TBCEL: variants seen among roughly 807,000 people sequenced by gnomAD.
TBCEL encodes tubulin folding cofactor E like, also known as tubulin-specific chaperone cofactor E-like protein.
A neutral mutation model predicts 44.2 loss-of-function variants in TBCEL; 15 were observed. That is an observed-to-expected ratio of 0.34 (90% CI 0.23 to 0.52). TBCEL has a LOEUF of 0.52. Ranked by LOEUF, TBCEL falls within the 20% of genes least tolerant of loss-of-function variation. The pLI, the probability that TBCEL is intolerant of heterozygous loss-of-function variation, is 0.95. For synonymous variants in TBCEL, 171 were observed against 185.4 expected, an observed-to-expected ratio of 0.92 and a Z score of 0.63; for missense variants, 319 against 506.3, an observed-to-expected ratio of 0.63 and a Z score of 3.55.
At chr11:121,036,878 T>C (rs1945240989) in intron 2 of TBCEL, among the ~76,000 whole-genome samples, 1 of 152,236 alleles carries the variant, frequency 6.6e-6, no homozygotes, top group Admixed American at 6.5e-5. Context: ...GAGGCTGTAC[T>C]TCTCACTGAT....
At chr11:121,036,679 A>G (rs752771121) in intron 2 of TBCEL, 67 bp downstream of exon 2, 5 of 152,134 alleles carry the variant, frequency 3.3e-5, no homozygotes, top group Non-Finnish European at 5.9e-5. Flanking sequence ...CAAAATTATG[A>G]CATTCTGGGG....
At chr11:121,063,183 G>C (rs1038238230) in intron 8 of TBCEL, among the ~76,000 whole-genome samples, 2 of 152,098 alleles carry the variant, frequency 1.3e-5, no homozygotes, top group South Asian at 4.2e-4. Context: ...ATAGGGAGGT[G>C]GATTATCTGC....
chr11:121,040,327 A>C (rs1348629981), intron 2 of TBCEL, among the ~76,000 whole-genome samples: 2 of 152,312 alleles, frequency 1.3e-5, no homozygotes, highest in Non-Finnish European at 2.9e-5. Context: ...TAACACATTT[A>C]ACTTGGCTAG....
chr11:121,067,918 A>C lies in TBCEL; in HGVS notation c.956+7833A>C, dbSNP rs80068140. Among the ~76,000 whole-genome samples, 1,499 of 152,356 alleles carry C rather than the reference A, an allele frequency of 9.8e-3. 9 individuals carry two copies. The highest frequency in any genetic ancestry group is 0.019 in the African/African-American group (775 of 41,584). On this transcript the variant is annotated intron_variant, in intron 8 of 8. Transcript: ENST00000683345. ...CTAGAGATAAAGAGACAAAAACAGT[A>C]GTGTCTACTCTCAAGAAGCTAAGCT...
rs960422582 is a variant in TBCEL at position 121,052,456 on chromosome 11, G to A, written c.274-1095G>A. ...CACTTGTCTGAAATCACACAGCTAGGAAGTGTTGGAACCTCGTTTGAACCC... is the reference window on the plus strand; with the variant it reads ...CACTTGTCTGAAATCACACAGCTAGAAAGTGTTGGAACCTCGTTTGAACCC... On this transcript the variant is annotated intron_variant, in intron 4 of 8. Coordinates refer to ENST00000683345, the MANE Select transcript of TBCEL (RefSeq NM_001363644.2). Among the ~76,000 whole-genome samples, 2 of 151,800 alleles carry A rather than the reference G, an allele frequency of 1.3e-5. 1 individual carries two copies. The highest frequency in any genetic ancestry group is 6.3e-3 in the Middle Eastern group (2 of 316).
intron 2 of TBCEL, among the ~76,000 whole-genome samples, chr11:121,038,022 C>A (rs1008367507): frequency 6.6e-6 from 1 of 151,664 alleles, no homozygotes; most frequent in African/African-American, 2.4e-5. Context: ...TGCAGTGGCA[C>A]GATCTCGACT....
At chr11:121,064,799 A>G (rs1019034738) in intron 8 of TBCEL, among the ~76,000 whole-genome samples, 9 of 152,172 alleles carry the variant, frequency 5.9e-5, no homozygotes, top group South Asian at 4.2e-4. Flanking sequence ...TAATAATTAT[A>G]ATCTCCATTA....
At chr11:121,037,747 A>G (rs1253091899) in intron 2 of TBCEL, among the ~76,000 whole-genome samples, 3 of 152,200 alleles carry the variant, frequency 2.0e-5, no homozygotes, top group Non-Finnish European at 2.9e-5. Flanking sequence ...GATACACACC[A>G]TGAGGTGCAT....
In TBCEL at chr11:121,045,708, A is replaced by G. The variant is rs1945417864; in HGVS notation, c.18A>G (p.Gly6=). Residue 6 remains glycine (G), a synonymous_variant, in exon 3 of 9, where the codon GGA becomes GGG. Transcript: ENST00000683345. The part of the protein sequence containing the change: MDQPS[G]RSFMQVLCEK... Reference sequence around the variant, plus strand: ...AAAGAAAGATGGATCAACCTAGTGGAAGAAGTTTCATGCAAGTATTATGTG... The same window carrying G: ...AAAGAAAGATGGATCAACCTAGTGGGAGAAGTTTCATGCAAGTATTATGTG... 8 of 1,599,296 alleles carry G rather than the reference A, an allele frequency of 5.0e-6. No homozygotes were observed. Among genetic ancestry groups the G allele is most frequent in the Non-Finnish European group, 6.8e-6 (8 of 1,175,632 alleles).
At position 121,025,312 on chromosome 11, in the gene TBCEL, G is replaced by A. The variant is rs541471133; in HGVS notation, c.-126+1021G>A. Among the ~76,000 whole-genome samples, 6 of 152,192 alleles carry A rather than the reference G, an allele frequency of 3.9e-5. No individual in the cohort carries two copies. In the South Asian group the frequency reaches 1.2e-3, roughly 32 times the overall value. ...TCCAGTAGTCTATCTTGAGCAAAGA[G>A]TATGAATAGGTGCTGAGGACTAAGG... On this transcript the variant is annotated intron_variant, in intron 1 of 8. Coordinates refer to ENST00000683345, the MANE Select transcript of TBCEL (RefSeq NM_001363644.2).
At chr11:121,070,303 C>A (rs1007860409) in intron 8 of TBCEL, among the ~76,000 whole-genome samples, 1 of 152,172 alleles carries the variant, frequency 6.6e-6, no homozygotes, top group South Asian at 2.1e-4. Flanking sequence ...GGCGATTCCT[C>A]AAGGATCTAG....
At chr11:121,068,779 CT>C (rs1945869922) in intron 8 of TBCEL, among the ~76,000 whole-genome samples, 1 of 151,644 alleles carries the variant, frequency 6.6e-6, no homozygotes, top group African/African-American at 2.4e-5. Flanking sequence ...CCCAGCTACT[CT>C]GGAGGCTGAG....
In TBCEL at chr11:121,060,061, T is replaced by C; in HGVS notation, c.932T>C (p.Val311Ala). 3.1e-6 allele frequency: 5 copies of C among 1,610,756 alleles called. No homozygotes were observed. The highest frequency in any genetic ancestry group is 4.2e-6 in the Non-Finnish European group (5 of 1,177,648). Residue 311 changes from valine to alanine, a missense_variant, in exon 8 of 9, where the codon GTT (valine) becomes GCT (alanine). Physicochemically the swap from Val to Ala is moderately conservative, Grantham distance 64. Coordinates refer to ENST00000683345, the MANE Select transcript of TBCEL (RefSeq NM_001363644.2). ...ERFFIRYYVD[V>A]PQEEVPFRYH... Reference sequence around the variant, plus strand: ...TTTTTTATTCGTTACTATGTGGATGTTCCACAGGAAGAAGTGCCATTCAGG... The same window carrying C: ...TTTTTTATTCGTTACTATGTGGATGCTCCACAGGAAGAAGTGCCATTCAGG...
chr11:121,038,689 A>T (rs1487124169), intron 2 of TBCEL, among the ~76,000 whole-genome samples: 1 of 152,034 alleles, frequency 6.6e-6, no homozygotes, highest in East Asian at 1.9e-4. Context: ...TTGTTTTCTT[A>T]GTTTTTGCTG....
At chr11:121,066,883 T>G (rs911508334) in intron 8 of TBCEL, among the ~76,000 whole-genome samples, 2 of 152,210 alleles carry the variant, frequency 1.3e-5, no homozygotes, top group African/African-American at 4.8e-5. Context: ...GAGCTTTAGT[T>G]TCCAGGTAGG....
intron 4 of TBCEL, among the ~76,000 whole-genome samples, chr11:121,051,560 G>C (rs1327947773): frequency 6.6e-6 from 1 of 151,682 alleles, no homozygotes; most frequent in East Asian, 1.9e-4. Flanking sequence ...GTTCCTGCAT[G>C]AACTATTTAG....
intron 8 of TBCEL, among the ~76,000 whole-genome samples, chr11:121,071,753 A>T (rs1169606550): frequency 1.3e-5 from 2 of 152,148 alleles, no homozygotes; most frequent in Non-Finnish European, 2.9e-5. Context: ...AGCTGATTGT[A>T]TCTCCATGTT....
At chr11:121,033,745 A>G (rs971784274) in intron 1 of TBCEL, among the ~76,000 whole-genome samples, 1 of 152,180 alleles carries the variant, frequency 6.6e-6, no homozygotes, top group Non-Finnish European at 1.5e-5. Flanking sequence ...ATCACCATCA[A>G]TCAGCTTCAG....
chr11:121,072,112 A>G (rs1468357154), intron 8 of TBCEL, among the ~76,000 whole-genome samples: 1 of 152,158 alleles, frequency 6.6e-6, no homozygotes, highest in Admixed American at 6.5e-5. Context: ...TTGTCATTCC[A>G]GTTACCTTGG....
Sources: allele counts gnomAD v4.1 joint callset (sites outside exome capture counted in the v4.1 genomes callset), GRCh38; gene constraint gnomAD v4.1.1; transcripts MANE v1.5; gene names NCBI Gene and HGNC (gene_info 2026-07-23, HGNC 2026-07-21).